FOXP1: variants seen among roughly 807,000 people sequenced by gnomAD.
FOXP1 encodes the protein forkhead box protein P1.
In FOXP1, 15 loss-of-function variants were observed where a neutral mutation model predicts 98.2. The observed-to-expected ratio is 0.15, with a 90% CI of 0.10 to 0.24. FOXP1 has a LOEUF of 0.24. FOXP1 is among the 10% of genes least tolerant of loss of function. The pLI, the probability that FOXP1 is intolerant of heterozygous loss-of-function variation, is 1.00. For synonymous variants in FOXP1, 371 were observed against 314.5 expected, an observed-to-expected ratio of 1.18 and a Z score of -1.90; for missense variants, 633 against 848.5, an observed-to-expected ratio of 0.75 and a Z score of 3.15.
intron 4 of FOXP1, among the ~76,000 whole-genome samples, chr3:71,322,732 G>A (rs1022627999): frequency 1.3e-5 from 2 of 152,166 alleles, no homozygotes; most frequent in Non-Finnish European, 2.9e-5. Context: ...ATCCAACTAT[G>A]AAGGTCTCCC....
Position 71,015,497 on chromosome 3 carries a change from G to A in FOXP1, c.974+52C>T, listed in dbSNP as rs1281076319. 11 of 1,237,318 alleles carry A rather than the reference G, an allele frequency of 8.9e-6. No individual in the cohort carries two copies. The African/African-American group carries it at 1.2e-4, about 13-fold the overall frequency. The allele number at this position is 1,237,318 out of a possible 1,614,324, so 76.6% of individuals were successfully genotyped here. On this transcript the variant is annotated intron_variant, in intron 12 of 20. Transcript: ENST00000649528. Reference sequence around the variant, plus strand: ...GCATTTTATGAGCAAAGCATGAACGGTGGGAGGTGTTGGCTATGTAAAAGA... The same window carrying A: ...GCATTTTATGAGCAAAGCATGAACGATGGGAGGTGTTGGCTATGTAAAAGA...
intron 3 of FOXP1, among the ~76,000 whole-genome samples, chr3:71,386,709 C>T (rs2080608047): frequency 1.5e-5 from 2 of 136,834 alleles, no homozygotes; most frequent in African/African-American, 2.7e-5. Flanking sequence ...TGCCACTGCA[C>T]TCTAGCCTGT....
chr3:71,491,014 T>A lies in FOXP1; in HGVS notation c.-168+2412A>T, dbSNP rs112100769. 5.9e-3 allele frequency among the ~76,000 whole-genome samples: 901 copies of A among 152,202 alleles called. 12 individuals are homozygous for A. Among genetic ancestry groups the A allele is most frequent in the African/African-American group, 0.021 (861 of 41,526 alleles). On this transcript the variant is annotated intron_variant, in intron 3 of 20. Coordinates refer to ENST00000649528, the MANE Select transcript of FOXP1 (RefSeq NM_001349338.3). The stretch of plus-strand genomic sequence containing the variant: ...CTGAATTCCTAAAGATATGACTTTT[T>A]TTATTATTATTATTATTTTGAGACG...
intron 7 of FOXP1, among the ~76,000 whole-genome samples, chr3:71,066,510 G>C (rs1163279330): frequency 6.6e-6 from 1 of 152,122 alleles, no homozygotes; most frequent in Non-Finnish European, 1.5e-5. Flanking sequence ...CTGCCAGAAA[G>C]TCCCCCGACT....
At chr3:71,434,208 G>T (rs2084990295) in intron 3 of FOXP1, among the ~76,000 whole-genome samples, 2 of 152,208 alleles carry the variant, frequency 1.3e-5, no homozygotes, top group Non-Finnish European at 2.9e-5. Context: ...GAGCTCTGAA[G>T]AAGTATGTGT....
At chr3:71,564,121 A>C (rs2046739960) in intron 2 of FOXP1, among the ~76,000 whole-genome samples, 1 of 152,246 alleles carries the variant, frequency 6.6e-6, no homozygotes, top group South Asian at 2.1e-4. Flanking sequence ...GACCTTATTC[A>C]AAAGCAAACA....
At chr3:70,964,034 A>T (rs2034193964) in intron 20 of FOXP1, among the ~76,000 whole-genome samples, 1 of 152,214 alleles carries the variant, frequency 6.6e-6, no homozygotes, top group South Asian at 2.1e-4. Flanking sequence ...ACAAGAATGG[A>T]AACTCTTGTC....
chr3:71,545,063 C>G (rs1444698969), intron 2 of FOXP1, among the ~76,000 whole-genome samples: 1 of 151,952 alleles, frequency 6.6e-6, no homozygotes, highest in East Asian at 1.9e-4. Context: ...AGCAAAATAG[C>G]GATTTTAACC....
chr3:71,190,252 A>G lies in FOXP1; in HGVS notation c.180+7950T>C, dbSNP rs80304317. Among the ~76,000 whole-genome samples, 963 of 152,164 alleles carry G rather than the reference A, an allele frequency of 6.3e-3. 14 individuals carry two copies. The highest frequency in any genetic ancestry group is 0.022 in the African/African-American group (909 of 41,504). On this transcript the variant is annotated intron_variant, in intron 6 of 20. Coordinates refer to ENST00000649528, the MANE Select transcript of FOXP1 (RefSeq NM_001349338.3). ...CTAAGTTATTCTCCCATGTTTTCCTAGCACCTAACATATCAGTTCCCCCTC... is the reference window on the plus strand; with the variant it reads ...CTAAGTTATTCTCCCATGTTTTCCTGGCACCTAACATATCAGTTCCCCCTC...
chr3:71,223,317 C>T (rs1296167291), intron 5 of FOXP1, among the ~76,000 whole-genome samples: 1 of 20,144 alleles, frequency 5.0e-5, no homozygotes, highest in Admixed American at 6.1e-4. Flanking sequence ...TATTCTCCTC[C>T]TCTTGGAGGC....
chr3:71,130,589 G>A lies in FOXP1; in HGVS notation c.181-17952C>T, dbSNP rs776051503. The A allele has an allele frequency of 5.6e-6, 9 of 1,598,238 alleles. No individual in the cohort carries two copies. Among genetic ancestry groups the A allele is most frequent in the African/African-American group, 5.3e-5 (4 of 74,904 alleles). Reference sequence around the variant, plus strand: ...GTAGATGGGTTCTGGCTGTTTCTGCGAAGCGGGGGTTGCCGAGTGGTAAAA... The same window carrying A: ...GTAGATGGGTTCTGGCTGTTTCTGCAAAGCGGGGGTTGCCGAGTGGTAAAA... On this transcript the variant is annotated intron_variant, in intron 6 of 20. Transcript: ENST00000649528.
At chr3:71,020,886 C>T (rs1029556829) in intron 11 of FOXP1, among the ~76,000 whole-genome samples, 4 of 152,148 alleles carry the variant, frequency 2.6e-5, no homozygotes, top group East Asian at 1.9e-4. Flanking sequence ...GTGCCCATTA[C>T]GGTTTATGCC....
At chr3:71,310,957 G>A (rs963176524) in intron 4 of FOXP1, among the ~76,000 whole-genome samples, 1 of 152,134 alleles carries the variant, frequency 6.6e-6, no homozygotes, top group Admixed American at 6.5e-5. Context: ...GTTGTTCTGG[G>A]CAAAAAGTTT....
chr3:71,477,032 A>G (rs1373678659), intron 3 of FOXP1, among the ~76,000 whole-genome samples: 1 of 152,194 alleles, frequency 6.6e-6, no homozygotes, highest in Non-Finnish European at 1.5e-5. Flanking sequence ...AGAGACAAAT[A>G]AGAAAAGGTG....
At chr3:71,028,994 A>G (rs1170717796) in intron 11 of FOXP1, among the ~76,000 whole-genome samples, 1 of 152,210 alleles carries the variant, frequency 6.6e-6, no homozygotes, top group East Asian at 1.9e-4. Context: ...GAGCGGCTGT[A>G]AATACAGATG....
chr3:71,293,569 G>A (rs2072985164), intron 5 of FOXP1, among the ~76,000 whole-genome samples: 1 of 151,704 alleles, frequency 6.6e-6, no homozygotes, highest in Non-Finnish European at 1.5e-5. Context: ...TTTGATAATT[G>A]CTGCAAATAT....
At chr3:71,031,146 A>T (rs1245366789) in intron 11 of FOXP1, among the ~76,000 whole-genome samples, 1 of 152,202 alleles carries the variant, frequency 6.6e-6, no homozygotes, top group Non-Finnish European at 1.5e-5. Flanking sequence ...GCCATAGTAC[A>T]TCTTCAAACA....
intron 3 of FOXP1, among the ~76,000 whole-genome samples, chr3:71,425,827 C>T (rs2084107267): frequency 6.6e-6 from 1 of 152,178 alleles, no homozygotes; most frequent in Non-Finnish European, 1.5e-5. Flanking sequence ...TCTACCATGA[C>T]ATTCATCCAA....
At chr3:71,048,610 T>C (rs2049372917) in intron 9 of FOXP1, among the ~76,000 whole-genome samples, 2 of 152,096 alleles carry the variant, frequency 1.3e-5, no homozygotes, top group Admixed American at 6.5e-5. Context: ...CATAAAATGA[T>C]CCAATTGTTT....
Sources: gnomAD v4.1 joint callset for allele counts (sites outside exome capture counted in the v4.1 genomes callset) on GRCh38, gnomAD v4.1.1 for gene constraint, MANE v1.5 for transcripts, NCBI Gene and HGNC (gene_info 2026-07-23, HGNC 2026-07-21) for gene names.